MCM3AP: variants seen among roughly 807,000 people sequenced by gnomAD.
MCM3AP encodes minichromosome maintenance complex component 3 associated protein.
A neutral mutation model predicts 184.1 loss-of-function variants in MCM3AP; 126 were observed. That is an observed-to-expected ratio of 0.68 (90% CI 0.59 to 0.79). The LOEUF (loss-of-function observed/expected upper bound fraction) is 0.79, where lower values mean the gene tolerates loss of function less well. MCM3AP is among the 30% of genes least tolerant of loss of function. The pLI is 0.00. For synonymous variants in MCM3AP, 1,002 were observed against 979.3 expected (o/e 1.02, Z -0.43); for missense variants, 2,496 against 2,479.2 (o/e 1.01, Z -0.14).
At position 46,258,737 on chromosome 21, in the gene MCM3AP, A is replaced by ATGTGTGTGTG. The variant is rs55695472; in HGVS notation, c.3734+192_3734+201dup. Among the ~76,000 whole-genome samples, 1,410 of 150,190 alleles carry ATGTGTGTGTG rather than the reference A, an allele frequency of 9.4e-3. 23 individuals are homozygous for ATGTGTGTGTG. Among genetic ancestry groups the ATGTGTGTGTG allele is most frequent in the African/African-American group, 0.031 (1,253 of 41,006 alleles). On this transcript the variant is annotated intron_variant, in intron 16 of 27. Transcript: ENST00000291688. Reference sequence around the variant, plus strand: ...CTCCTGACTTTTCCCCTTATATTGTATGTGTGTGTGTGTGTGTGTGTAATC... The same window carrying ATGTGTGTGTG: ...CTCCTGACTTTTCCCCTTATATTGTATGTGTGTGTGTGTGTGTGTGTGTGTGTGTGTAATC...
At chr21:46,275,582 TAA>T (rs2081245777) in intron 5 of MCM3AP, among the ~76,000 whole-genome samples, 1 of 151,808 alleles carries the variant, frequency 6.6e-6, no homozygotes, top group Admixed American at 6.6e-5. Flanking sequence ...CACTGCAGAC[TAA>T]GAGAAAGACC....
chr21:46,265,307 A>G lies in MCM3AP; in HGVS notation c.3234+14T>C, dbSNP rs1439979601. ...GCTTCCCAGAGTCCAGACCTAGAAA[A>G]AAAGAGTCCCTACCTCGTCAGAGTA... is the stretch of plus-strand genomic sequence containing the variant. On this transcript the variant is annotated intron_variant, in intron 12 of 27. Coordinates refer to ENST00000291688, the MANE Select transcript of MCM3AP (RefSeq NM_003906.5). 1.9e-6 allele frequency: 3 copies of G among 1,613,038 alleles called. No individual in the cohort carries two copies. Among genetic ancestry groups the G allele is most frequent in the Non-Finnish European group, 2.5e-6 (3 of 1,179,422 alleles).
chr21:46,265,294 C>A (rs1569070976), intron 12 of MCM3AP, 27 bp downstream of exon 12: 1 of 1,609,420 alleles, frequency 6.2e-7, no homozygotes, highest in Non-Finnish European at 8.5e-7. Flanking sequence ...TTCCCAGAGT[C>A]CAGACCTAGA....
In MCM3AP at chr21:46,265,447, A is replaced by G. The variant is rs1307677779; in HGVS notation, c.3108T>C (p.Pro1036=). ...LSSLPQSLPA[P]APSPVPLPPV... The stretch of plus-strand genomic sequence containing the variant: ...GAGGCAGAGGCACTGGTGAGGGCGC[A>G]GGGGCTGGTAGAGACTGTGGGAGAC... Residue 1036 remains proline (P), a synonymous_variant, in exon 12 of 28, where the codon CCT becomes CCC. Transcript: ENST00000291688. 6 of 1,613,866 alleles carry G rather than the reference A, an allele frequency of 3.7e-6. No homozygotes were observed. The East Asian group carries it at 6.7e-5, about 18-fold the overall frequency.
chr21:46,242,096 T>C (rs2080677044), intron 25 of MCM3AP: 1 of 152,544 alleles, frequency 6.6e-6, no homozygotes, highest in African/African-American at 2.4e-5. Flanking sequence ...TGACTTTTCT[T>C]GGACTGACAA....
In MCM3AP at chr21:46,244,732, C is replaced by T. The variant is rs371676487; in HGVS notation, c.5038+75G>A. 135 of 1,485,926 alleles carry T rather than the reference C, an allele frequency of 9.1e-5. No individual in the cohort carries two copies. The East Asian group carries it at 1.5e-3, about 17-fold the overall frequency. The allele number at this position is 1,485,926 out of a possible 1,614,324, so 92.0% of individuals were successfully genotyped here. ...ACACTGGTGCCCAACACCTGCCAGA[C>T]GGTTACTACAGTGAGAAGGAAGCCT... On this transcript the variant is annotated intron_variant, in intron 23 of 27. Transcript: ENST00000291688.
At chr21:46,269,816 A>T (rs959733236) in intron 9 of MCM3AP, among the ~76,000 whole-genome samples, 1 of 152,202 alleles carries the variant, frequency 6.6e-6, no homozygotes, top group East Asian at 1.9e-4. Context: ...CAGGGCCTAG[A>T]ACAGCAGGTG....
At position 46,265,461 on chromosome 21, in the gene MCM3AP, A is replaced by C; in HGVS notation, c.3094T>G (p.Ser1032Ala). ...GGTGAGGGCGCAGGGGCTGGTAGAG[A>C]CTGTGGGAGACTGGACAGGGGTGCA... ...PDAPLSSLPQ[S>A]LPAPAPSPVP... Residue 1032 changes from serine (S) to alanine (A), a missense_variant, in exon 12 of 28, where the codon TCT (serine) becomes GCT (alanine). Ser to Ala is a moderately conservative substitution (Grantham distance 99). Transcript: ENST00000291688. The C allele has an allele frequency of 6.2e-7, 1 of 1,613,604 alleles. No individual in the cohort carries two copies. Among genetic ancestry groups the C allele is most frequent in the Non-Finnish European group, 8.5e-7 (1 of 1,179,760 alleles).
chr21:46,271,927 A>G (rs1316744273), intron 8 of MCM3AP, among the ~76,000 whole-genome samples: 1 of 151,894 alleles, frequency 6.6e-6, no homozygotes, highest in Non-Finnish European at 1.5e-5. Flanking sequence ...ACAGTTCTTG[A>G]GGAAAATACA....
Position 46,273,603 on chromosome 21 carries a change from A to C in MCM3AP, c.1999-18T>G. On this transcript the variant is annotated intron_variant, in intron 6 of 27. Coordinates refer to ENST00000291688, the MANE Select transcript of MCM3AP (RefSeq NM_003906.5). Reference sequence around the variant, plus strand: ...TGGTCCACCTAGAGACATGAAGCCGAGACAGGATGCCCATGTGGCATACCT... The same window carrying C: ...TGGTCCACCTAGAGACATGAAGCCGCGACAGGATGCCCATGTGGCATACCT... The C allele has an allele frequency of 1.2e-6, 2 of 1,610,444 alleles. No homozygotes were observed. Among genetic ancestry groups the C allele is most frequent in the South Asian group, 1.1e-5 (1 of 90,888 alleles).
chr21:46,246,735 A>G lies in MCM3AP; in HGVS notation c.4442T>C (p.Leu1481Pro), dbSNP rs1181121257. 2 of 1,614,240 alleles carry G rather than the reference A, an allele frequency of 1.2e-6. No individual in the cohort carries two copies. The highest frequency in any genetic ancestry group is 2.2e-5 in the South Asian group (2 of 91,088). ...AGCCTGCAGGAGCTGCTTGAGCTGC[A>G]GCAAGGCCGACAGCCAGTACACGTC... The part of the protein sequence containing the change: ...EEDVYWLSAL[L>P]QLKQLLQAKP... Residue 1481 changes from leucine (L) to proline (P), a missense_variant, in exon 21 of 28, where the codon CTG becomes CCG. By Grantham distance (98) the Leu-to-Pro change is moderately conservative. This residue lies in a region of MCM3AP where 1,323 missense variants were observed against 1,273.4 expected (regional missense o/e 1.04). Coordinates refer to ENST00000291688, the MANE Select transcript of MCM3AP (RefSeq NM_003906.5).
At chr21:46,245,342 G>A in intron 22 of MCM3AP, 145 bp from the exon 23 acceptor site, 3 of 726,662 alleles carry the variant, frequency 4.1e-6, no homozygotes, top group Non-Finnish European at 6.7e-6. Context: ...GGGAACAGAA[G>A]TGTCCTATGC....
chr21:46,282,161 T>C (rs1301920755), intron 2 of MCM3AP, among the ~76,000 whole-genome samples: 1 of 152,124 alleles, frequency 6.6e-6, no homozygotes, highest in African/African-American at 2.4e-5. Flanking sequence ...TACAAACTTT[T>C]TTTAATTAAA....
Position 46,283,774 on chromosome 21 carries a change from G to GC in MCM3AP, c.1283dup (p.Ser430ValfsTer4). 2 of 1,614,102 alleles carry GC rather than the reference G, an allele frequency of 1.2e-6. No individual in the cohort carries two copies. Among genetic ancestry groups the GC allele is most frequent in the Non-Finnish European group, 1.7e-6 (2 of 1,179,978 alleles). On this transcript the variant is annotated frameshift_variant, in exon 2 of 28. Transcript: ENST00000291688. LOFTEE classifies it high-confidence loss of function. ...TGGCTGTGACTTCAGAGGGAGACAA[G>GC]CCCCCAAGACTGTCTGTGCTCTCGC...
In MCM3AP at chr21:46,277,624, T is replaced by C. The variant is rs746774210; in HGVS notation, c.1761A>G (p.Pro587=). 1.9e-6 allele frequency: 3 copies of C among 1,612,662 alleles called. No individual in the cohort carries two copies. In the South Asian group the frequency reaches 3.3e-5, roughly 18 times the overall value. ...TCAGGGTACTGAGGGAGAGCACACA[T>C]GGCCCGAGGCCCTCGGAGCCCTCGG... ...SASEGSEGLG[P]CVLSLSTLIG... is the part of the protein sequence containing the mutation. Residue 587 remains proline, a synonymous_variant, in exon 5 of 28, where the codon CCA becomes CCG. Transcript: ENST00000291688.
Position 46,242,828 on chromosome 21 carries a change from C to T in MCM3AP, c.5400G>A (p.Gln1800=), listed in dbSNP as rs1555908595. The part of the protein sequence containing the change: ...LSWEQARLQT[Q]KELQLREGRL... ...GTCCCTCTCTCAGCTGTAGCTCCTT[C>T]TGCGTCTGCAACCTGGCTTGTTCCC... The change falls in exon 25 of 28, where the codon CAG becomes CAA. Residue 1800 remains glutamine, a synonymous_variant. Transcript: ENST00000291688. The T allele has an allele frequency of 1.2e-6, 2 of 1,612,302 alleles. No homozygotes were observed. Among genetic ancestry groups the T allele is most frequent in the Non-Finnish European group, 1.7e-6 (2 of 1,179,430 alleles).
intron 15 of MCM3AP, among the ~76,000 whole-genome samples, chr21:46,260,553 G>A (rs961522164): frequency 2.0e-5 from 3 of 152,200 alleles, no homozygotes; most frequent in Non-Finnish European, 4.4e-5. Context: ...TGGCTAATAA[G>A]GATGGCTGAC....
chr21:46,256,424 T>C, intron 17 of MCM3AP: 1 of 247,834 alleles, frequency 4.0e-6, no homozygotes, highest in African/African-American at 2.2e-5. Context: ...GGGGATGGGA[T>C]CGGAAGACAC....
intron 2 of MCM3AP, among the ~76,000 whole-genome samples, chr21:46,283,061 G>A (rs1449806540): frequency 6.6e-6 from 1 of 151,798 alleles, no homozygotes; most frequent in East Asian, 2.0e-4. Context: ...GAGTAGCTGA[G>A]ATGACAGGCG....
Sources: gnomAD v4.1 joint callset for allele counts (sites outside exome capture counted in the v4.1 genomes callset) on GRCh38, gnomAD v4.1.1 for gene constraint, gnomAD v4.1.1 regional missense constraint, MANE v1.5 for transcripts, NCBI Gene and HGNC (gene_info 2026-07-23, HGNC 2026-07-21) for gene names.